PLCH2: variants seen among roughly 807,000 people sequenced by gnomAD.
The protein encoded by PLCH2 is phospholipase C eta 2, also known as 1-phosphatidylinositol 4,5-bisphosphate phosphodiesterase eta-2.
Under a neutral mutation model 134.7 loss-of-function variants are expected in PLCH2, and 98 were observed. The observed-to-expected ratio is 0.73, with a 90% CI of 0.62 to 0.86. PLCH2 has a LOEUF of 0.86. Ranked by LOEUF, PLCH2 falls within the 40% of genes least tolerant of loss-of-function variation. The pLI, the probability that PLCH2 is intolerant of heterozygous loss-of-function variation, is 0.00. For missense variants in PLCH2, 1,994 were observed against 1,986.6 expected (o/e 1.00, Z -0.07); for synonymous variants, 974 against 827.5 (o/e 1.18, Z -3.04).
At chr1:2,429,315 G>A (rs1638954530) in intron 1 of PLCH2, among the ~76,000 whole-genome samples, 3 of 152,188 alleles carry the variant, frequency 2.0e-5, no homozygotes, top group Non-Finnish European at 2.9e-5. Context: ...CATCTGTGCT[G>A]GGCAGGCTGG....
At position 2,489,252 on chromosome 1, in the gene PLCH2, G is replaced by A. The variant is rs778775988; in HGVS notation, c.1281G>A (p.Gln427=). 7.4e-6 allele frequency: 12 copies of A among 1,613,820 alleles called. No individual in the cohort carries two copies. Among genetic ancestry groups the A allele is most frequent in the Non-Finnish European group, 8.5e-6 (10 of 1,179,900 alleles). Residue 427 remains glutamine, a synonymous_variant, in exon 9 of 22, where the codon CAG becomes CAA. Transcript: ENST00000378486. ...TCGAAAACCACTGCAGTGTCATCCAGCAGAAGAAAATGGCCCAGTATCTGA... is the reference window on the plus strand; with the variant it reads ...TCGAAAACCACTGCAGTGTCATCCAACAGAAGAAAATGGCCCAGTATCTGA... ...LSIENHCSVI[Q]QKKMAQYLTD...
chr1:2,491,083 C>A, intron 10 of PLCH2, 109 bp from the exon 11 acceptor site: 2 of 1,108,834 alleles, frequency 1.8e-6, no homozygotes, highest in Non-Finnish European at 2.5e-6. Flanking sequence ...GAATCACACG[C>A]CTTCCCTGAG....
intron 6 of PLCH2, 24 bp from the exon 7 acceptor site, chr1:2,487,149 C>A (rs1238858543): frequency 1.9e-6 from 3 of 1,543,830 alleles, no homozygotes; most frequent in Non-Finnish European, 2.6e-6. Context: ...GCTGACATGG[C>A]CCCTATGCCA....
At chr1:2,456,530 C>T (rs1277443378) in intron 2 of PLCH2, among the ~76,000 whole-genome samples, 1 of 152,234 alleles carries the variant, frequency 6.6e-6, no homozygotes, top group Non-Finnish European at 1.5e-5. Context: ...TCTGGGGACG[C>T]GTGAGGTCAC....
intron 2 of PLCH2, among the ~76,000 whole-genome samples, chr1:2,432,032 T>C (rs1317662768): frequency 1.3e-5 from 2 of 152,040 alleles, no homozygotes; most frequent in African/African-American, 4.8e-5. Context: ...GCTCTGCCTG[T>C]TGGGTTTCGG....
chr1:2,495,441 G>A, intron 12 of PLCH2, 47 bp from the exon 13 acceptor site: 1 of 1,514,020 alleles, frequency 6.6e-7, no homozygotes, highest in Non-Finnish European at 9.0e-7. Flanking sequence ...GCCAAGGCCT[G>A]GCCTGGGCCA....
chr1:2,420,447 A>C, the PLCH2 span, among the ~76,000 whole-genome samples: 1 of 152,148 alleles, frequency 6.6e-6, no homozygotes, highest in Admixed American at 6.5e-5. Flanking sequence ...TTGCGGATCC[A>C]CAGTGGGATG....
At chr1:2,452,437 C>T (rs1640289055) in intron 2 of PLCH2, among the ~76,000 whole-genome samples, 2 of 152,184 alleles carry the variant, frequency 1.3e-5, no homozygotes, top group Non-Finnish European at 2.9e-5. Context: ...CTGCCTCCTG[C>T]TCTCCCTCCT....
At chr1:2,425,690 GT>G (rs74733826), upstream of PLCH2, among the ~76,000 whole-genome samples, 132 of 142,156 alleles carry the variant, frequency 9.3e-4, no homozygotes, top group Middle Eastern at 7.4e-3. Flanking sequence ...ATTTTGGTGT[GT>G]TTTTTTTTTT....
At chr1:2,496,477 C>A in intron 13 of PLCH2, 130 bp from the exon 14 acceptor site, 1 of 760,566 alleles carries the variant, frequency 1.3e-6, no homozygotes, top group Non-Finnish European at 2.2e-6. Context: ...AGTCTGGCGT[C>A]CGTCTCTGAT....
intron 2 of PLCH2, among the ~76,000 whole-genome samples, chr1:2,442,712 T>C (rs1639747791): frequency 6.6e-6 from 1 of 152,224 alleles, no homozygotes. Context: ...GGCTTCCCTC[T>C]AAGGCTGGAG....
chr1:2,485,069 G>A (rs986152309), intron 5 of PLCH2, among the ~76,000 whole-genome samples: 3 of 151,982 alleles, frequency 2.0e-5, no homozygotes, highest in Non-Finnish European at 4.4e-5. Flanking sequence ...TGGCTGACTC[G>A]CTCCCCTAGG....
intron 1 of PLCH2, among the ~76,000 whole-genome samples, chr1:2,428,791 C>T (rs758653229): frequency 4.6e-5 from 7 of 152,250 alleles, no homozygotes; most frequent in Non-Finnish European, 8.8e-5. Context: ...TCATTCCAGC[C>T]GCCTCGGGGA....
At chr1:2,449,810 C>T (rs1640109400) in intron 2 of PLCH2, among the ~76,000 whole-genome samples, 1 of 152,238 alleles carries the variant, frequency 6.6e-6, no homozygotes, top group Non-Finnish European at 1.5e-5. Flanking sequence ...AGCCACCTCT[C>T]AGGGACAGTG....
Position 2,491,409 on chromosome 1 carries a change from C to G in PLCH2, c.1659+74C>G. Reference sequence around the variant, plus strand: ...AGCCAGCCTGTGGGCCAGCCAGGGCCCCCGAACGTATGCTCTGTGCGCACT... The same window carrying G: ...AGCCAGCCTGTGGGCCAGCCAGGGCGCCCGAACGTATGCTCTGTGCGCACT... On this transcript the variant is annotated intron_variant, in intron 11 of 21. Coordinates refer to ENST00000378486, the MANE Select transcript of PLCH2 (RefSeq NM_014638.4). The G allele has an allele frequency of 2.0e-6, 3 of 1,517,590 alleles. No homozygotes were observed. In the South Asian group the frequency reaches 3.6e-5, roughly 18 times the overall value. The allele number at this position is 1,517,590 out of a possible 1,614,324, so 94.0% of individuals were successfully genotyped here.
At chr1:2,445,272 C>T (rs768499303) in intron 2 of PLCH2, among the ~76,000 whole-genome samples, 50 of 152,092 alleles carry the variant, frequency 3.3e-4, no homozygotes, top group Non-Finnish European at 6.0e-4. Flanking sequence ...CGCCTGATGG[C>T]CCTGCCCTCT....
In PLCH2 at chr1:2,443,822, C is replaced by A. The variant is rs575631951; in HGVS notation, c.115+13193C>A. On this transcript the variant is annotated intron_variant, in intron 2 of 3. Transcript: ENST00000609981. ...CCGCGGGCCGCCCGAGCTGGCGGGG[C>A]GATGCCGCGGGAGCCGGAGCCCCAG... 2.0e-5 allele frequency among the ~76,000 whole-genome samples: 3 copies of A among 148,414 alleles called. No homozygotes were observed. In the South Asian group the frequency reaches 6.2e-4, roughly 31 times the overall value.
intron 2 of PLCH2, among the ~76,000 whole-genome samples, chr1:2,450,772 C>T (rs1377755525): frequency 7.4e-6 from 1 of 135,002 alleles, no homozygotes; most frequent in Non-Finnish European, 1.6e-5. Context: ...TCCCAGGTTC[C>T]AGACCCTTGG....
chr1:2,498,978 G>C lies in PLCH2; in HGVS notation c.2435-106G>C, dbSNP rs913744858. On this transcript the variant is annotated intron_variant, in intron 18 of 21. Transcript: ENST00000378486. The surrounding 1 kb of genome is among the most constrained non-coding windows in gnomAD (Gnocchi z 5.4). ...CTCTAGGTGGGCAGTCCCGGAAGCA[G>C]CACCGGGAGTGGCACTGGGAGTGGT... 3 of 1,430,122 alleles carry C rather than the reference G, an allele frequency of 2.1e-6. No individual in the cohort carries two copies. Among genetic ancestry groups the C allele is most frequent in the African/African-American group, 2.8e-5 (2 of 70,826 alleles). 88.6% of individuals were successfully genotyped at this position (1,430,122 alleles called of 1,614,324 possible). A position where few individuals can be genotyped will look rare whatever the true frequency, so the allele number is the denominator to read the frequency against.
Sources: allele counts gnomAD v4.1 joint callset (sites outside exome capture counted in the v4.1 genomes callset), GRCh38; gene constraint gnomAD v4.1.1; non-coding constraint Gnocchi (gnomAD v3.1); transcripts MANE v1.5; gene names NCBI Gene and HGNC (gene_info 2026-07-23, HGNC 2026-07-21).